The following GUCY1B1 variants were observed in gnomAD, a reference collection of about 807,000 sequenced individuals.
The protein encoded by GUCY1B1 is guanylate cyclase 1 soluble subunit beta 1.
A neutral mutation model predicts 71.0 loss-of-function variants in GUCY1B1; 43 were observed. The observed-to-expected ratio is 0.61, with a 90% CI of 0.47 to 0.78. The LOEUF (loss-of-function observed/expected upper bound fraction) is 0.78, where lower values mean the gene tolerates loss of function less well. Ranked by LOEUF, GUCY1B1 falls within the 30% of genes least tolerant of loss-of-function variation. The pLI, the probability that GUCY1B1 is intolerant of heterozygous loss-of-function variation, is 0.00. For synonymous variants in GUCY1B1, 266 were observed against 259.7 expected (o/e 1.02, Z -0.23); for missense variants, 535 against 754.1 (o/e 0.71, Z 3.40).
At chr4:155,759,312 C>T (rs34502794) in intron 1 of GUCY1B1, 169 bp downstream of exon 1, 21,622 of 631,244 alleles carry the variant, frequency 0.034, 480 homozygotes, top group Middle Eastern at 0.056. Flanking sequence ...GAGGTGGGAA[C>T]GCCGCGAGTC....
chr4:155,806,235 T>C, intron 13 of GUCY1B1, 151 bp from the exon 14 acceptor site: 1 of 535,634 alleles, frequency 1.9e-6, no homozygotes, highest in Non-Finnish European at 3.3e-6. Flanking sequence ...CGTGCGGTCC[T>C]GTTTTTCCCA....
chr4:155,796,114 T>C (rs1739537847), intron 7 of GUCY1B1, among the ~76,000 whole-genome samples: 1 of 152,136 alleles, frequency 6.6e-6, no homozygotes, highest in Non-Finnish European at 1.5e-5. Flanking sequence ...ATAAAAAAGA[T>C]TCACAAAAGC....
intron 4 of GUCY1B1, chr4:155,785,225 C>T (rs1489248696): frequency 1.2e-6 from 1 of 822,888 alleles, no homozygotes; most frequent in Non-Finnish European, 2.0e-6. Flanking sequence ...TGGACCTACT[C>T]TCTATATTTT....
In GUCY1B1 at chr4:155,804,655, A is replaced by T; in HGVS notation, c.1617A>T (p.Arg539=). The change falls in exon 12 of 14, where the codon CGA becomes CGT. Residue 539 remains arginine, a synonymous_variant. Transcript: ENST00000264424. The part of the protein sequence containing the change: ...VTGVIGQRMP[R]YCLFGNTVNL... ...GTGTCATAGGACAGCGGATGCCTCG[A>T]TACTGTCTTTTTGGGAATACTGTCA... The T allele has an allele frequency of 6.2e-7, 1 of 1,612,796 alleles. No homozygotes were observed. The highest frequency in any genetic ancestry group is 1.1e-5 in the South Asian group (1 of 91,064).
intron 4 of GUCY1B1, among the ~76,000 whole-genome samples, chr4:155,784,161 G>A (rs1738615796): frequency 6.6e-6 from 1 of 151,972 alleles, no homozygotes; most frequent in Admixed American, 6.6e-5. Context: ...TAGCTTTAAC[G>A]CTATTTCCAT....
At chr4:155,792,818 A>G (rs1385239611) in intron 5 of GUCY1B1, among the ~76,000 whole-genome samples, 2 of 152,174 alleles carry the variant, frequency 1.3e-5, no homozygotes, top group African/African-American at 2.4e-5. Flanking sequence ...GAAAATCTAT[A>G]CTTTAATAAT....
intron 7 of GUCY1B1, 58 bp downstream of exon 7, chr4:155,795,515 T>A: frequency 1.2e-6 from 1 of 811,846 alleles, no homozygotes; most frequent in Non-Finnish European, 2.1e-6. Flanking sequence ...TTAGAAGTAT[T>A]CAGGGGGGAA....
chr4:155,786,806 C>T (rs1322030243), intron 4 of GUCY1B1, among the ~76,000 whole-genome samples: 2 of 151,684 alleles, frequency 1.3e-5, no homozygotes, highest in Non-Finnish European at 2.9e-5. Context: ...TGGGGTTTCA[C>T]CATGTTGGCC....
intron 2 of GUCY1B1, among the ~76,000 whole-genome samples, chr4:155,765,086 T>C (rs994136888): frequency 6.6e-6 from 1 of 152,202 alleles, no homozygotes; most frequent in African/African-American, 2.4e-5. Context: ...GAAGGATCTT[T>C]GCACATTACG....
At chr4:155,799,374 T>C (rs1739787557) in intron 8 of GUCY1B1, among the ~76,000 whole-genome samples, 1 of 152,132 alleles carries the variant, frequency 6.6e-6, no homozygotes, top group Non-Finnish European at 1.5e-5. Flanking sequence ...ATGCTGAGGC[T>C]GGGTCATAAA....
chr4:155,792,975 C>T (rs946697573), intron 5 of GUCY1B1, among the ~76,000 whole-genome samples: 11 of 152,162 alleles, frequency 7.2e-5, no homozygotes, highest in Admixed American at 2.6e-4. Context: ...ATTTTTATGC[C>T]TATTGTCAAT....
At chr4:155,794,537 A>G (rs1367465109) in intron 6 of GUCY1B1, among the ~76,000 whole-genome samples, 1 of 152,236 alleles carries the variant, frequency 6.6e-6, no homozygotes, top group Non-Finnish European at 1.5e-5. Flanking sequence ...GATTCAGTAG[A>G]AAAAGCATCA....
At chr4:155,773,583 C>T (rs1358386026) in intron 2 of GUCY1B1, among the ~76,000 whole-genome samples, 1 of 152,140 alleles carries the variant, frequency 6.6e-6, no homozygotes, top group African/African-American at 2.4e-5. Flanking sequence ...AGCTCTTGAC[C>T]TTGACCCCTT....
intron 4 of GUCY1B1, among the ~76,000 whole-genome samples, chr4:155,786,260 G>C (rs907158232): frequency 1.5e-5 from 2 of 134,928 alleles, no homozygotes; most frequent in African/African-American, 2.8e-5. Flanking sequence ...GTTATTGTTT[G>C]GTTCAATTTC....
chr4:155,800,389 T>C (rs1168840065), intron 9 of GUCY1B1, among the ~76,000 whole-genome samples: 1 of 152,230 alleles, frequency 6.6e-6, no homozygotes, highest in African/African-American at 2.4e-5. Context: ...CATTTATTCC[T>C]GCATTCTTTC....
At chr4:155,785,818 A>G (rs1315344163) in intron 4 of GUCY1B1, among the ~76,000 whole-genome samples, 1 of 152,212 alleles carries the variant, frequency 6.6e-6, no homozygotes, top group Non-Finnish European at 1.5e-5. Context: ...GAAAATCAAT[A>G]TTACATTAAG....
chr4:155,769,264 A>G (rs1268848953), intron 2 of GUCY1B1, among the ~76,000 whole-genome samples: 1 of 152,122 alleles, frequency 6.6e-6, no homozygotes, highest in Non-Finnish European at 1.5e-5. Flanking sequence ...TGCACATGGG[A>G]TTGGCTTAGT....
chr4:155,771,921 A>G (rs1737719235), intron 2 of GUCY1B1, among the ~76,000 whole-genome samples: 1 of 152,214 alleles, frequency 6.6e-6, no homozygotes, highest in Non-Finnish European at 1.5e-5. Context: ...TATGTTCTAT[A>G]TATAAGTATA....
chr4:155,799,739 T>G (rs1739816086), intron 8 of GUCY1B1, 138 bp from the exon 9 acceptor site: 1 of 502,840 alleles, frequency 2.0e-6, no homozygotes, highest in South Asian at 3.9e-5. Flanking sequence ...TTCGTTCAAT[T>G]CTCCATAATT....
Sources: gnomAD v4.1 joint callset for allele counts (sites outside exome capture counted in the v4.1 genomes callset) on GRCh38, gnomAD v4.1.1 for gene constraint, MANE v1.5 for transcripts, NCBI Gene and HGNC (gene_info 2026-07-23, HGNC 2026-07-21) for gene names.